Variants in ADCK1 observed in about 807,000 individuals in gnomAD.
ADCK1 encodes the protein aarF domain containing kinase 1, also known as aarF domain-containing protein kinase 1.
A neutral mutation model predicts 52.3 loss-of-function variants in ADCK1; 41 were observed. The observed-to-expected ratio is 0.78, with a 90% CI of 0.61 to 1.02. The LOEUF (loss-of-function observed/expected upper bound fraction) is 1.02. Ranked by LOEUF, ADCK1 falls within the 50% of genes least tolerant of loss-of-function variation. The probability of loss-of-function intolerance (pLI) is 0.00; values close to 1 mark genes in which losing one functional copy is unlikely to be tolerated. For missense variants in ADCK1, 658 were observed against 679.5 expected, an observed-to-expected ratio of 0.97 and a Z score of 0.35; for synonymous variants, 250 against 274.6, an observed-to-expected ratio of 0.91 and a Z score of 0.89.
At chr14:77,822,134 A>T (rs2081596503) in intron 2 of ADCK1, among the ~76,000 whole-genome samples, 1 of 152,208 alleles carries the variant, frequency 6.6e-6, no homozygotes, top group Admixed American at 6.6e-5. Flanking sequence ...CAGTTCATAA[A>T]CAAGGAGACA....
chr14:77,824,064 A>G (rs1034196180), intron 3 of ADCK1, among the ~76,000 whole-genome samples: 23 of 151,468 alleles, frequency 1.5e-4, no homozygotes, highest in African/African-American at 5.6e-4. Context: ...ACGCCTGGCT[A>G]ATTTTTGTGT....
At chr14:77,803,246 T>C (rs1179528908) in intron 1 of ADCK1, among the ~76,000 whole-genome samples, 1 of 152,148 alleles carries the variant, frequency 6.6e-6, no homozygotes, top group African/African-American at 2.4e-5. Context: ...TAATAGTCTC[T>C]CTAGGAAATG....
intron 7 of ADCK1, among the ~76,000 whole-genome samples, chr14:77,922,217 G>T (rs1450200200): frequency 1.3e-5 from 2 of 152,166 alleles, no homozygotes; most frequent in Admixed American, 6.5e-5. Context: ...GCCCTGGCTG[G>T]GGGCCCCCTC....
At chr14:77,897,846 C>A (rs1432576559) in intron 5 of ADCK1, among the ~76,000 whole-genome samples, 1 of 152,188 alleles carries the variant, frequency 6.6e-6, no homozygotes, top group African/African-American at 2.4e-5. Context: ...GATCGGGGAG[C>A]AGCCACAGCA....
intron 4 of ADCK1, among the ~76,000 whole-genome samples, chr14:77,882,223 T>A (rs2083042613): frequency 6.6e-6 from 1 of 152,134 alleles, no homozygotes; most frequent in African/African-American, 2.4e-5. Flanking sequence ...CTCACCAGGC[T>A]CCAGTGGATG....
At chr14:77,810,415 A>G (rs2081315277) in intron 1 of ADCK1, among the ~76,000 whole-genome samples, 3 of 152,128 alleles carry the variant, frequency 2.0e-5, no homozygotes, top group African/African-American at 7.2e-5. Context: ...ACGCCTGGCC[A>G]GTTAATTCTT....
chr14:77,813,066 G>A (rs1332647036), intron 1 of ADCK1, among the ~76,000 whole-genome samples: 1 of 151,874 alleles, frequency 6.6e-6, no homozygotes, highest in African/African-American at 2.4e-5. Context: ...GCAATGGTGT[G>A]ATCTTAGCTC....
chr14:77,882,793 C>A (rs2083057363), intron 4 of ADCK1, among the ~76,000 whole-genome samples: 1 of 152,194 alleles, frequency 6.6e-6, no homozygotes, highest in Admixed American at 6.5e-5. Flanking sequence ...CTTCATGGGA[C>A]TCTGCAGGGT....
chr14:77,839,114 A>G lies in ADCK1; in HGVS notation c.219+16596A>G, dbSNP rs148658352. On this transcript the variant is annotated intron_variant, in intron 3 of 10. Transcript: ENST00000238561. ...CATTTCAGCTCTTGCTGAGTGCCCTAAAGGAGATAAAATGTAGTCATGGGA... is the reference window on the plus strand; with the variant it reads ...CATTTCAGCTCTTGCTGAGTGCCCTGAAGGAGATAAAATGTAGTCATGGGA... Among the ~76,000 whole-genome samples the G allele has an allele frequency of 4.3e-3, 661 of 152,314 alleles. 21 individuals carry two copies. Among genetic ancestry groups the G allele is most frequent in the Admixed American group, 0.038 (584 of 15,288 alleles).
intron 7 of ADCK1, among the ~76,000 whole-genome samples, chr14:77,918,563 G>C (rs1180500630): frequency 6.6e-6 from 1 of 152,190 alleles, no homozygotes; most frequent in East Asian, 1.9e-4. Context: ...AGAGAGGGTC[G>C]TGTGCCCAGT....
chr14:77,842,994 A>G lies in ADCK1; in HGVS notation c.220-16082A>G, dbSNP rs149707843. Among the ~76,000 whole-genome samples the G allele has an allele frequency of 4.6e-3, 684 of 147,576 alleles. 5 individuals are homozygous for G. Among genetic ancestry groups the G allele is most frequent in the African/African-American group, 0.016 (640 of 39,764 alleles). The stretch of plus-strand genomic sequence containing the variant: ...ATCCTCCACCTCCTGGGTTCAAGTG[A>G]TTCTCCTGCCTCAGCCTCCTGAGTA... On this transcript the variant is annotated intron_variant, in intron 3 of 10. Coordinates refer to ENST00000238561, the MANE Select transcript of ADCK1 (RefSeq NM_020421.4).
intron 1 of ADCK1, among the ~76,000 whole-genome samples, chr14:77,807,508 ATTTT>A (rs35510266): frequency 7.7e-6 from 1 of 130,304 alleles, no homozygotes; most frequent in Non-Finnish European, 1.7e-5. Flanking sequence ...CGCCCAGCTA[ATTTT>A]TTTTTTTTTT....
At chr14:77,800,625 C>T (rs1165069727) in intron 1 of ADCK1, among the ~76,000 whole-genome samples, 1 of 152,222 alleles carries the variant, frequency 6.6e-6, no homozygotes, top group Admixed American at 6.5e-5. Context: ...TCCTGGCCCT[C>T]CACCCGGTCT....
At chr14:77,912,260 T>C (rs915344508) in intron 7 of ADCK1, among the ~76,000 whole-genome samples, 2 of 152,184 alleles carry the variant, frequency 1.3e-5, no homozygotes, top group African/African-American at 4.8e-5. Flanking sequence ...TATTAAATAC[T>C]TCCGCAGAAA....
chr14:77,859,335 C>A (rs978805861), intron 4 of ADCK1, 56 bp downstream of exon 4: 3 of 1,537,080 alleles, frequency 2.0e-6, no homozygotes, highest in South Asian at 2.4e-5. Context: ...GAAAAGGCCC[C>A]GGCTGAATTC....
At chr14:77,906,936 T>C (rs2140255528) in intron 6 of ADCK1, among the ~76,000 whole-genome samples, 1 of 152,294 alleles carries the variant, frequency 6.6e-6, no homozygotes, top group Admixed American at 6.5e-5. Flanking sequence ...TGTTTGTTTG[T>C]TTTCAGACAG....
chr14:77,886,608 C>G (rs2083152520), intron 4 of ADCK1, among the ~76,000 whole-genome samples: 2 of 152,144 alleles, frequency 1.3e-5, no homozygotes, highest in African/African-American at 4.8e-5. Context: ...AGACCCTGGG[C>G]TGGTACACAA....
At chr14:77,863,252 T>C (rs1368307220) in intron 4 of ADCK1, among the ~76,000 whole-genome samples, 3 of 151,950 alleles carry the variant, frequency 2.0e-5, no homozygotes, top group Non-Finnish European at 2.9e-5. Flanking sequence ...GGGTGGGGCA[T>C]GTGGTCGGGT....
At chr14:77,844,990 A>G (rs1029342655) in intron 3 of ADCK1, among the ~76,000 whole-genome samples, 26 of 152,206 alleles carry the variant, frequency 1.7e-4, no homozygotes, top group African/African-American at 6.3e-4. Flanking sequence ...AGAGGCGCAT[A>G]TGCACTCACT....
Sources: allele counts gnomAD v4.1 joint callset (sites outside exome capture counted in the v4.1 genomes callset), GRCh38; gene constraint gnomAD v4.1.1; transcripts MANE v1.5; gene names NCBI Gene and HGNC (gene_info 2026-07-23, HGNC 2026-07-21).